NAALADL2: variants seen among roughly 807,000 people sequenced by gnomAD.
NAALADL2 encodes N-acetylated alpha-linked acidic dipeptidase like 2, also known as inactive N-acetylated-alpha-linked acidic dipeptidase-like protein 2.
Under a neutral mutation model 87.2 loss-of-function variants are expected in NAALADL2, and 76 were observed. That is an observed-to-expected ratio of 0.87 (90% CI 0.72 to 1.05). The LOEUF is 1.05. NAALADL2 is among the 50% of genes least tolerant of loss of function. The pLI is 0.00. For missense variants in NAALADL2, 1,089 were observed against 945.8 expected, an observed-to-expected ratio of 1.15 and a Z score of -1.99; for synonymous variants, 354 against 331.0, an observed-to-expected ratio of 1.07 and a Z score of -0.75.
At position 175,214,153 on chromosome 3, in the gene NAALADL2, A is replaced by G. The variant is rs376686578; in HGVS notation, c.546-19778A>G. 4.6e-5 allele frequency among the ~76,000 whole-genome samples: 7 copies of G among 152,292 alleles called. No individual in the cohort carries two copies. The South Asian group carries it at 6.2e-4, about 14-fold the overall frequency. ...GAGAAGAAATACTGGCATTGCTTTT[A>G]TGTTGATAGGTTGTGTTTATTATTG... On this transcript the variant is annotated intron_variant, in intron 2 of 13. Transcript: ENST00000454872.
At chr3:175,262,575 A>AGAGTGTGT (rs1553841751) in intron 4 of NAALADL2, among the ~76,000 whole-genome samples, 6 of 147,012 alleles carry the variant, frequency 4.1e-5, no homozygotes, top group Non-Finnish European at 7.5e-5. Context: ...ATGTTGTGTG[A>AGAGTGTGT]GTGTGTGTGT....
intron 4 of NAALADL2, among the ~76,000 whole-genome samples, chr3:175,283,835 G>A (rs988292294): frequency 6.6e-6 from 1 of 151,936 alleles, no homozygotes; most frequent in Non-Finnish European, 1.5e-5. Flanking sequence ...CTGGACATGA[G>A]CTTAATCACT....
intron 11 of NAALADL2, among the ~76,000 whole-genome samples, chr3:175,660,182 G>A (rs59726961): frequency 0.072 from 10,977 of 152,026 alleles, 593 homozygotes; most frequent in African/African-American, 0.14. Flanking sequence ...ACTTCCTAAA[G>A]TCCCCACCTC....
chr3:175,320,852 C>A (rs1325063349), intron 4 of NAALADL2, among the ~76,000 whole-genome samples: 2 of 149,644 alleles, frequency 1.3e-5, no homozygotes, highest in African/African-American at 4.9e-5. Flanking sequence ...CAATAGTTTA[C>A]CAACCAAAAA....
chr3:175,208,529 C>G (rs1329355380), intron 2 of NAALADL2, among the ~76,000 whole-genome samples: 2 of 152,138 alleles, frequency 1.3e-5, no homozygotes, highest in African/African-American at 4.8e-5. Flanking sequence ...ACTAGCTGGT[C>G]AGTCAGCATG....
intron 1 of NAALADL2, among the ~76,000 whole-genome samples, chr3:174,476,853 G>A (rs1244182672): frequency 1.3e-5 from 2 of 151,966 alleles, no homozygotes; most frequent in Non-Finnish European, 2.9e-5. Context: ...GAACTTTTGT[G>A]CAACAAATCA....
intron 4 of NAALADL2, among the ~76,000 whole-genome samples, chr3:175,296,721 C>T (rs573198125): frequency 4.1e-4 from 62 of 152,108 alleles, no homozygotes; most frequent in African/African-American, 6.5e-4. Flanking sequence ...AATATGCTCA[C>T]GGTAAAATTG....
intron 1 of NAALADL2, among the ~76,000 whole-genome samples, chr3:174,956,057 T>C (rs1741105759): frequency 6.6e-6 from 1 of 152,068 alleles, no homozygotes; most frequent in Non-Finnish European, 1.5e-5. Flanking sequence ...AAATATGATA[T>C]GGAAAACAAA....
Position 174,525,778 on chromosome 3 carries a change from A to G in NAALADL2, c.-183-24791A>G, listed in dbSNP as rs140825471. ...TCTAGCATCTCTTCAACTTGTTATC[A>G]TAGCAATGCTTTCATTTCTGTACTT... On this transcript the variant is annotated intron_variant, in intron 1 of 3. Transcript: ENST00000434257. Among the ~76,000 whole-genome samples the G allele has an allele frequency of 3.9e-3, 593 of 152,320 alleles. 4 individuals are homozygous for G. Among genetic ancestry groups the G allele is most frequent in the African/African-American group, 0.013 (547 of 41,572 alleles).
At chr3:175,047,124 T>A (rs1471285985) in intron 1 of NAALADL2, among the ~76,000 whole-genome samples, 8 of 152,154 alleles carry the variant, frequency 5.3e-5, no homozygotes, top group African/African-American at 1.9e-4. Context: ...GATCCAGTCA[T>A]GTCCCCTAGG....
At chr3:175,792,158 G>T (rs1752867967) in intron 13 of NAALADL2, among the ~76,000 whole-genome samples, 1 of 152,134 alleles carries the variant, frequency 6.6e-6, no homozygotes, top group Non-Finnish European at 1.5e-5. Context: ...AGCAAAAGTT[G>T]TTGCAAATAG....
At chr3:174,747,702 A>G (rs1246832298) in intron 3 of NAALADL2, among the ~76,000 whole-genome samples, 1 of 151,888 alleles carries the variant, frequency 6.6e-6, no homozygotes, top group Non-Finnish European at 1.5e-5. Context: ...ACACATTTAC[A>G]CTGTTGGTGG....
At chr3:174,781,738 C>T (rs1716009022) in intron 3 of NAALADL2, among the ~76,000 whole-genome samples, 1 of 151,812 alleles carries the variant, frequency 6.6e-6, no homozygotes, top group Admixed American at 6.6e-5. Context: ...TTCATGTGTT[C>T]AGGAGAGGTA....
intron 2 of NAALADL2, among the ~76,000 whole-genome samples, chr3:174,692,212 T>C (rs1728642538): frequency 6.6e-6 from 1 of 152,234 alleles, no homozygotes; most frequent in South Asian, 2.1e-4. Flanking sequence ...CAATAAGACT[T>C]GAAATGACTC....
At chr3:174,901,710 G>A (rs1298907824) in intron 1 of NAALADL2, among the ~76,000 whole-genome samples, 1 of 152,136 alleles carries the variant, frequency 6.6e-6, no homozygotes, top group East Asian at 1.9e-4. Context: ...CAGAAAGAAA[G>A]AATACTGGAG....
intron 3 of NAALADL2, among the ~76,000 whole-genome samples, chr3:174,751,081 C>T (rs1425709112): frequency 6.6e-6 from 1 of 152,022 alleles, no homozygotes; most frequent in East Asian, 1.9e-4. Flanking sequence ...TGGCTGGTAT[C>T]TCCAGTGGAA....
intron 11 of NAALADL2, among the ~76,000 whole-genome samples, chr3:175,714,843 A>C (rs530574129): frequency 6.6e-6 from 1 of 152,110 alleles, no homozygotes; most frequent in African/African-American, 2.4e-5. Flanking sequence ...AAAAAACTGA[A>C]ACTGGACCCC....
chr3:175,606,051 T>C (rs368557538), intron 10 of NAALADL2, among the ~76,000 whole-genome samples: 1 of 152,164 alleles, frequency 6.6e-6, no homozygotes, highest in Non-Finnish European at 1.5e-5. Flanking sequence ...TAGCAACTGT[T>C]CTTTACATCA....
intron 8 of NAALADL2, among the ~76,000 whole-genome samples, chr3:175,471,073 C>T (rs1724790627): frequency 6.6e-6 from 1 of 152,066 alleles, no homozygotes; most frequent in African/African-American, 2.4e-5. Flanking sequence ...TAAAATTTGA[C>T]TTTTGTCAGG....
Sources: allele counts gnomAD v4.1 joint callset (sites outside exome capture counted in the v4.1 genomes callset), GRCh38; gene constraint gnomAD v4.1.1; transcripts MANE v1.5; gene names NCBI Gene and HGNC (gene_info 2026-07-23, HGNC 2026-07-21).